NRXN2: variants seen among roughly 807,000 people sequenced by gnomAD.
The protein encoded by NRXN2 is neurexin-2-beta.
NRXN2 carries 29 observed loss-of-function variants against 128.8 expected under a neutral mutation model. The ratio of observed to expected loss-of-function variants is 0.23; its 90% CI spans 0.17 to 0.31. The LOEUF is 0.31. Ranked by LOEUF, NRXN2 falls within the 10% of genes least tolerant of loss-of-function variation. The pLI, the probability that NRXN2 is intolerant of heterozygous loss-of-function variation, is 1.00. For synonymous variants in NRXN2, 1,098 were observed against 1,075.2 expected (o/e 1.02, Z -0.41); for missense variants, 1,881 against 2,452.6 (o/e 0.77, Z 4.92).
intron 22 of NRXN2, among the ~76,000 whole-genome samples, chr11:64,608,494 CTTTTTTTT>C (rs58638827): frequency 3.6e-5 from 4 of 111,180 alleles, no homozygotes; most frequent in South Asian, 3.0e-4. Flanking sequence ...TCTTTTTTTG[CTTTTTTTT>C]TTTTTTTTTG....
chr11:64,696,419 A>T (rs997241627), intron 3 of NRXN2, among the ~76,000 whole-genome samples: 1 of 151,986 alleles, frequency 6.6e-6, no homozygotes, highest in East Asian at 1.9e-4. Flanking sequence ...ACACAAAACC[A>T]TGTTACGTGT....
chr11:64,718,332 T>A (rs1176690849), intron 1 of NRXN2, among the ~76,000 whole-genome samples: 3 of 152,122 alleles, frequency 2.0e-5, no homozygotes, highest in Non-Finnish European at 4.4e-5. Flanking sequence ...GCCATGGGGA[T>A]GCCGGCCTCC....
Position 64,622,441 on chromosome 11 carries a change from T to G in NRXN2, c.4173+312A>C, listed in dbSNP as rs2042497265. The stretch of plus-strand genomic sequence containing the variant: ...TCCTACTCTCACCCCAAGTCCAGAC[T>G]TCATCTCTCTTAGGTAGGGTGGTCT... On this transcript the variant is annotated intron_variant, in intron 21 of 22. Coordinates refer to ENST00000265459, the MANE Select transcript of NRXN2 (RefSeq NM_015080.4). This position sits in a 1 kb window ranked among gnomAD's most constrained non-coding sequence, Gnocchi z 4.3. Among the ~76,000 whole-genome samples the G allele has an allele frequency of 6.6e-6, 1 of 152,178 alleles. No individual in the cohort carries two copies. The highest frequency in any genetic ancestry group is 2.4e-5 in the African/African-American group (1 of 41,450).
chr11:64,719,580 G>T (rs2057380940), intron 1 of NRXN2, among the ~76,000 whole-genome samples: 1 of 152,186 alleles, frequency 6.6e-6, no homozygotes, highest in African/African-American at 2.4e-5. Context: ...GGATGAGGCT[G>T]CTGCCGCCTC....
chr11:64,634,940 G>A (rs2044478018), intron 18 of NRXN2, among the ~76,000 whole-genome samples: 3 of 152,172 alleles, frequency 2.0e-5, no homozygotes, highest in South Asian at 4.1e-4. Context: ...GGACACCTCC[G>A]AAGGCTACAG....
At chr11:64,693,652 G>A (rs1431607005) in intron 3 of NRXN2, among the ~76,000 whole-genome samples, 2 of 152,200 alleles carry the variant, frequency 1.3e-5, no homozygotes, top group African/African-American at 4.8e-5. Context: ...TGTAGGGGTA[G>A]TAGGGACCCT....
At chr11:64,684,782 C>T (rs1302998480) in intron 6 of NRXN2, among the ~76,000 whole-genome samples, 1 of 152,174 alleles carries the variant, frequency 6.6e-6, no homozygotes, top group Non-Finnish European at 1.5e-5. Context: ...TTCACCTGCA[C>T]TAGCCATCCT....
At chr11:64,616,535 C>T (rs916438234) in intron 22 of NRXN2, among the ~76,000 whole-genome samples, 38 of 152,266 alleles carry the variant, frequency 2.5e-4, no homozygotes, top group African/African-American at 8.9e-4. Flanking sequence ...ATATGTGTGC[C>T]TCTGAGCTGA....
At chr11:64,642,898 C>A in intron 17 of NRXN2, 1 of 1,031,074 alleles carries the variant, frequency 9.7e-7, no homozygotes. Flanking sequence ...CTCCGAGCTC[C>A]GGGAGCGGGG....
At chr11:64,685,603 C>T (rs2052921489) in intron 6 of NRXN2, 43 bp downstream of exon 6, 3 of 1,611,736 alleles carry the variant, frequency 1.9e-6, no homozygotes, top group Non-Finnish European at 8.5e-7. Context: ...CCCATTCTAC[C>T]CCAGGTATAG....
rs2042520477 is a variant in NRXN2 at position 64,622,579 on chromosome 11, T to C, written c.4173+174A>G. 6.6e-6 allele frequency among the ~76,000 whole-genome samples: 1 copy of C among 152,206 alleles called. No individual in the cohort carries two copies. Among genetic ancestry groups the C allele is most frequent in the South Asian group, 2.1e-4 (1 of 4,834 alleles). Reference sequence around the variant, plus strand: ...CCTGGTCATTAGGGTGAAGGCCACTTCCTGAAAGGTGACCTTGCCCATCGC... The same window carrying C: ...CCTGGTCATTAGGGTGAAGGCCACTCCCTGAAAGGTGACCTTGCCCATCGC... On this transcript the variant is annotated intron_variant, in intron 21 of 22. Coordinates refer to ENST00000265459, the MANE Select transcript of NRXN2 (RefSeq NM_015080.4). The surrounding 1 kb of genome is among the most constrained non-coding windows in gnomAD (Gnocchi z 4.3).
At chr11:64,699,179 T>C (rs1199706255) in intron 2 of NRXN2, among the ~76,000 whole-genome samples, 2 of 152,000 alleles carry the variant, frequency 1.3e-5, no homozygotes, top group Non-Finnish European at 2.9e-5. Context: ...ACAGGCTGAA[T>C]GCAAGCACCA....
intron 2 of NRXN2, among the ~76,000 whole-genome samples, chr11:64,699,213 A>C (rs1203179251): frequency 6.6e-6 from 1 of 152,166 alleles, no homozygotes; most frequent in Non-Finnish European, 1.5e-5. Flanking sequence ...AATCTACTAC[A>C]TAACACTAGA....
chr11:64,656,481 T>C (rs1028184113), intron 11 of NRXN2, among the ~76,000 whole-genome samples: 2 of 151,798 alleles, frequency 1.3e-5, no homozygotes, highest in Admixed American at 6.5e-5. Flanking sequence ...AGAATGGATC[T>C]TGGAGGTGGG....
rs1173222361 is a variant in NRXN2, at chr11:64,622,941, G to T, written c.3985C>A (p.Pro1329Thr). 6.2e-7 allele frequency: 1 copy of T among 1,613,210 alleles called. No individual in the cohort carries two copies. The highest frequency in any genetic ancestry group is 2.2e-5 in the East Asian group (1 of 44,854). The change falls in exon 21 of 23, where the codon CCC becomes ACC. Residue 1329 changes from proline to threonine, a missense_variant. By Grantham distance (38) the Pro-to-Thr change is conservative. Coordinates refer to ENST00000265459, the MANE Select transcript of NRXN2 (RefSeq NM_015080.4). The surrounding 1 kb of genome is among the most constrained non-coding windows in gnomAD (Gnocchi z 4.3). ...AGGTGACCCTCAGTCCGCACATTGG[G>T]GTCGCTCTCGGCGGCCAGCGCCAGC... is the stretch of plus-strand genomic sequence containing the variant. ...KVLALAAESD[P>T]NVRTEGHLRL...
chr11:64,626,466 T>G lies in NRXN2; in HGVS notation c.3844A>C (p.Lys1282Gln). 1 of 1,608,270 alleles carries G rather than the reference T, an allele frequency of 6.2e-7. No individual in the cohort carries two copies. Among genetic ancestry groups the G allele is most frequent in the Non-Finnish European group, 8.5e-7 (1 of 1,174,630 alleles). ...TTAATTAATTCTGGTTAATTACCTT[T>G]GTCGAGCAGCCACTCATCTACTACT... ...GRVVDEWLLD[K>Q]GRQLTIFNSQ... The change falls in exon 20 of 23, where the codon AAA (lysine) becomes CAA (glutamine). Residue 1282 changes from lysine (K) to glutamine (Q), a missense_variant. Transcript: ENST00000265459.
chr11:64,651,436 G>T lies in NRXN2; in HGVS notation c.2737C>A (p.Arg913Ser). ...GTGACGGGATCGGCCACGATGGCAC[G>T]CAGGCCAAAGCGAGCATTGAGCTCA... ...YCELNARFGL[R>S]AIVADPVTFK... Residue 913 changes from arginine (R) to serine (S), a missense_variant, in exon 14 of 23, where the codon CGT becomes AGT. This residue lies in a region of NRXN2 where 390 missense variants were observed against 599.6 expected (regional missense o/e 0.65). Transcript: ENST00000265459. The surrounding 1 kb of genome is among the most constrained non-coding windows in gnomAD (Gnocchi z 5.9). 6.2e-7 allele frequency: 1 copy of T among 1,614,174 alleles called. No homozygotes were observed. The highest frequency in any genetic ancestry group is 2.2e-5 in the East Asian group (1 of 44,882).
At chr11:64,719,733 C>T (rs2057385554) in intron 1 of NRXN2, among the ~76,000 whole-genome samples, 1 of 152,132 alleles carries the variant, frequency 6.6e-6, no homozygotes, top group Admixed American at 6.5e-5. Flanking sequence ...CTGTGCACAG[C>T]TGGGGCACAG....
At chr11:64,692,953 G>C in intron 3 of NRXN2, 77 bp from the exon 4 acceptor site, 2 of 1,226,066 alleles carry the variant, frequency 1.6e-6, no homozygotes, top group Non-Finnish European at 1.2e-6. Context: ...AAGAAACAAA[G>C]AAAACACGAG....
Sources: gnomAD v4.1 joint callset for allele counts (sites outside exome capture counted in the v4.1 genomes callset) on GRCh38, gnomAD v4.1.1 for gene constraint, gnomAD v4.1.1 regional missense constraint, Gnocchi (gnomAD v3.1) non-coding constraint, MANE v1.5 for transcripts, NCBI Gene and HGNC (gene_info 2026-07-23, HGNC 2026-07-21) for gene names.